Variants in KCNIP4 observed in about 807,000 individuals in gnomAD.
KCNIP4 encodes the protein potassium voltage-gated channel interacting protein 4.
KCNIP4 carries 12 observed loss-of-function variants against 34.0 expected under a neutral mutation model. That is an observed-to-expected ratio of 0.35 (90% CI 0.23 to 0.57). The LOEUF is 0.57. Ranked by LOEUF, KCNIP4 falls within the 20% of genes least tolerant of loss-of-function variation. The pLI is 0.83. For synonymous variants in KCNIP4, 124 were observed against 102.2 expected (o/e 1.21, Z -1.29); for missense variants, 238 against 311.7 (o/e 0.76, Z 1.78).
At chr4:21,116,067 G>C (rs185670758) in intron 1 of KCNIP4, among the ~76,000 whole-genome samples, 1 of 152,160 alleles carries the variant, frequency 6.6e-6, no homozygotes, top group Non-Finnish European at 1.5e-5. Context: ...CTTTACACCA[G>C]CAAAGAAAAA....
chr4:21,127,536 C>T (rs1193296657), intron 1 of KCNIP4, among the ~76,000 whole-genome samples: 1 of 152,218 alleles, frequency 6.6e-6, no homozygotes, highest in Non-Finnish European at 1.5e-5. Context: ...TCCCCAACCT[C>T]CTCCACCCCA....
chr4:20,802,276 TATATATATATGCAATATATATATGCA>T (rs201516840), intron 3 of KCNIP4, among the ~76,000 whole-genome samples: 6 of 121,888 alleles, frequency 4.9e-5, no homozygotes, highest in Admixed American at 3.3e-4. Flanking sequence ...ATATATATGC[TATATATATATGCAATATATATATGCA>T]ATATATATAT....
intron 1 of KCNIP4, among the ~76,000 whole-genome samples, chr4:21,414,352 G>C (rs1310987966): frequency 6.6e-6 from 1 of 152,086 alleles, no homozygotes; most frequent in Non-Finnish European, 1.5e-5. Flanking sequence ...GTCATTAATC[G>C]TCAGGAAAAT....
intron 2 of KCNIP4, among the ~76,000 whole-genome samples, chr4:20,880,461 A>AT (rs955677064): frequency 1.8e-4 from 28 of 152,170 alleles, no homozygotes; most frequent in African/African-American, 5.8e-4. Flanking sequence ...GATTCTGATC[A>AT]TTTTTTTAGT....
At chr4:21,471,221 A>C (rs1345955510) in intron 1 of KCNIP4, among the ~76,000 whole-genome samples, 1 of 152,124 alleles carries the variant, frequency 6.6e-6, no homozygotes, top group Non-Finnish European at 1.5e-5. Flanking sequence ...GTTTTTAGGA[A>C]TTGAGGAAAA....
chr4:21,019,327 T>G (rs1739836431), intron 1 of KCNIP4, among the ~76,000 whole-genome samples: 1 of 151,922 alleles, frequency 6.6e-6, no homozygotes, highest in Non-Finnish European at 1.5e-5. Context: ...GGCTAATTTT[T>G]TTGTATTTTT....
intron 1 of KCNIP4, among the ~76,000 whole-genome samples, chr4:21,934,768 T>C (rs537792034): frequency 7.2e-5 from 11 of 152,082 alleles, no homozygotes; most frequent in Non-Finnish European, 7.4e-5. Context: ...GGAGCCACGA[T>C]GCCTTGGTTA....
chr4:20,926,435 G>A (rs1409291277), intron 1 of KCNIP4, among the ~76,000 whole-genome samples: 1 of 152,138 alleles, frequency 6.6e-6, no homozygotes, highest in Non-Finnish European at 1.5e-5. Flanking sequence ...TGATTTTGCT[G>A]CTTATCACAG....
At chr4:20,789,988 T>C (rs1248978599) in intron 3 of KCNIP4, among the ~76,000 whole-genome samples, 1 of 152,144 alleles carries the variant, frequency 6.6e-6, no homozygotes, top group Non-Finnish European at 1.5e-5. Context: ...AGATACTTTC[T>C]GAGAAATAGG....
At chr4:21,701,853 G>A (rs1312019879) in intron 1 of KCNIP4, among the ~76,000 whole-genome samples, 2 of 151,742 alleles carry the variant, frequency 1.3e-5, no homozygotes, top group East Asian at 1.9e-4. Context: ...ACAGGTGCCC[G>A]CCACCACACC....
chr4:21,051,168 T>C (rs767378658), intron 1 of KCNIP4, among the ~76,000 whole-genome samples: 17 of 152,224 alleles, frequency 1.1e-4, no homozygotes, highest in Admixed American at 5.9e-4. Flanking sequence ...GGGCTTCCCT[T>C]CTTTGAGCAT....
At chr4:21,190,295 C>T (rs951643396) in intron 1 of KCNIP4, among the ~76,000 whole-genome samples, 7 of 152,028 alleles carry the variant, frequency 4.6e-5, no homozygotes, top group Middle Eastern at 3.4e-3. Flanking sequence ...TGTTTTGGTT[C>T]GTTAGTATTG....
intron 1 of KCNIP4, among the ~76,000 whole-genome samples, chr4:21,056,203 T>C: frequency 6.6e-6 from 1 of 152,178 alleles, no homozygotes; most frequent in Non-Finnish European, 1.5e-5. Context: ...CTTTCATCTA[T>C]AGCTTAATCT....
At chr4:20,857,492 GGAGACT>G (rs58679374) in intron 2 of KCNIP4, among the ~76,000 whole-genome samples, 36,976 of 151,782 alleles carry the variant, frequency 0.24, 5,140 homozygotes, top group African/African-American at 0.39. Context: ...TCACATACAT[GGAGACT>G]GAGTCTCATG....
intron 3 of KCNIP4, among the ~76,000 whole-genome samples, chr4:20,780,571 C>G (rs868154895): frequency 3.9e-5 from 6 of 152,256 alleles, no homozygotes; most frequent in African/African-American, 1.4e-4. Context: ...TGCCAATACC[C>G]CATTTAACAT....
intron 1 of KCNIP4, among the ~76,000 whole-genome samples, chr4:21,892,887 C>T (rs994106901): frequency 2.1e-4 from 32 of 152,096 alleles, no homozygotes; most frequent in South Asian, 4.1e-4. Flanking sequence ...TGGAAAGAAG[C>T]CAGTGCATCT....
intron 1 of KCNIP4, among the ~76,000 whole-genome samples, chr4:21,253,208 C>T (rs1202212408): frequency 6.6e-6 from 1 of 152,128 alleles, no homozygotes; most frequent in Non-Finnish European, 1.5e-5. Context: ...AATGCATATG[C>T]AGCCTTGACA....
chr4:21,227,511 C>T (rs1303923847), intron 1 of KCNIP4, among the ~76,000 whole-genome samples: 2 of 152,050 alleles, frequency 1.3e-5, no homozygotes, highest in Non-Finnish European at 2.9e-5. Context: ...AATGGTCTGC[C>T]TGCTCTAGCT....
intron 1 of KCNIP4, among the ~76,000 whole-genome samples, chr4:21,093,337 G>C (rs560449299): frequency 1.3e-4 from 20 of 152,232 alleles, no homozygotes; most frequent in African/African-American, 4.8e-4. Flanking sequence ...GACTTTACTC[G>C]TATTCCAGTA....
Sources: gnomAD v4.1 joint callset for allele counts (sites outside exome capture counted in the v4.1 genomes callset) on GRCh38, gnomAD v4.1.1 for gene constraint, MANE v1.5 for transcripts, NCBI Gene and HGNC (gene_info 2026-07-23, HGNC 2026-07-21) for gene names.